The following VPS35L variants were observed in gnomAD, a reference collection of about 807,000 sequenced individuals.
VPS35L encodes the protein VPS35 endosomal protein sorting factor like.
A neutral mutation model predicts 133.0 loss-of-function variants in VPS35L; 83 were observed. The observed-to-expected ratio is 0.62, with a 90% CI of 0.52 to 0.75. The LOEUF is 0.75. VPS35L is among the 30% of genes least tolerant of loss of function. The probability of loss-of-function intolerance (pLI) is 0.00; values close to 1 mark genes in which losing one functional copy is unlikely to be tolerated. For missense variants in VPS35L, 1,083 were observed against 1,206.8 expected, an observed-to-expected ratio of 0.90 and a Z score of 1.52; for synonymous variants, 423 against 449.9, an observed-to-expected ratio of 0.94 and a Z score of 0.76.
rs561758087 is a variant in VPS35L at position 19,599,423 on chromosome 16, C to T, written c.725-2241C>T. Among the ~76,000 whole-genome samples, 14 of 152,304 alleles carry T rather than the reference C, an allele frequency of 9.2e-5. No individual in the cohort carries two copies. The South Asian group carries it at 2.3e-3, about 25-fold the overall frequency. On this transcript the variant is annotated intron_variant, in intron 8 of 30. Transcript: ENST00000417362. Reference sequence around the variant, plus strand: ...TCCAGAGGCAAGGCAAGTTTTAGCTCAGAGACCCACTGGTGTCTGCCTAAA... The same window carrying T: ...TCCAGAGGCAAGGCAAGTTTTAGCTTAGAGACCCACTGGTGTCTGCCTAAA...
At chr16:19,694,993 G>A (rs569805634) in intron 29 of VPS35L, among the ~76,000 whole-genome samples, 6 of 148,430 alleles carry the variant, frequency 4.0e-5, no homozygotes, top group African/African-American at 1.3e-4. Context: ...GTGACAGAAC[G>A]AGACTCTGTT....
intron 8 of VPS35L, among the ~76,000 whole-genome samples, chr16:19,598,147 G>C (rs144157725): frequency 1.5e-3 from 223 of 152,302 alleles, no homozygotes; most frequent in African/African-American, 5.1e-3. Flanking sequence ...TTCTCCACCT[G>C]TAGAATGGGG....
At chr16:19,634,338 A>G (rs1391829420) in intron 19 of VPS35L, among the ~76,000 whole-genome samples, 1 of 150,426 alleles carries the variant, frequency 6.6e-6, no homozygotes, top group East Asian at 2.0e-4. Context: ...CTGGGATGCT[A>G]TAGTAGGAGA....
chr16:19,687,000 C>G (rs1975485192), intron 28 of VPS35L, among the ~76,000 whole-genome samples: 1 of 152,182 alleles, frequency 6.6e-6, no homozygotes, highest in Non-Finnish European at 1.5e-5. Flanking sequence ...GACTCCATCT[C>G]AAATACCTCT....
At chr16:19,658,787 G>A (rs1974389203) in intron 26 of VPS35L, among the ~76,000 whole-genome samples, 1 of 152,146 alleles carries the variant, frequency 6.6e-6, no homozygotes, top group African/African-American at 2.4e-5. Flanking sequence ...GAGGCCTGGA[G>A]GCTGAGAAAA....
At chr16:19,693,075 C>A (rs1975755391) in intron 29 of VPS35L, among the ~76,000 whole-genome samples, 1 of 152,216 alleles carries the variant, frequency 6.6e-6, no homozygotes, top group Non-Finnish European at 1.5e-5. Context: ...TGACTGTGTC[C>A]TACTGACCCT....
chr16:19,682,803 A>G (rs1457224653), intron 28 of VPS35L, among the ~76,000 whole-genome samples: 2 of 152,226 alleles, frequency 1.3e-5, no homozygotes. Flanking sequence ...CAGAGGTTAC[A>G]GTAAGCCAAG....
At chr16:19,607,685 A>G (rs1378844304) in intron 9 of VPS35L, 1 of 154,226 alleles carries the variant, frequency 6.5e-6, no homozygotes, top group Non-Finnish European at 1.4e-5. Flanking sequence ...ATCACATTTC[A>G]TGTTGCAGTC....
chr16:19,571,370 C>A (rs1971379680), intron 3 of VPS35L, among the ~76,000 whole-genome samples: 1 of 151,944 alleles, frequency 6.6e-6, no homozygotes, highest in African/African-American at 2.4e-5. Context: ...GTGTGTGCCA[C>A]CGCACTCAGC....
chr16:19,586,826 ATAAGG>A (rs1276248196), intron 7 of VPS35L, among the ~76,000 whole-genome samples: 2 of 152,184 alleles, frequency 1.3e-5, no homozygotes, highest in African/African-American at 4.8e-5. Flanking sequence ...TATATATCCT[ATAAGG>A]TAAGGATCTA....
chr16:19,642,620 T>A, intron 22 of VPS35L, 144 bp downstream of exon 22: 1 of 652,808 alleles, frequency 1.5e-6, no homozygotes, highest in Admixed American at 3.1e-5. Flanking sequence ...ACGAGGACAT[T>A]CCAATCCAGG....
intron 26 of VPS35L, 38 bp from the exon 27 acceptor site, chr16:19,669,122 G>C (rs200365747): frequency 1.3e-6 from 2 of 1,547,594 alleles, no homozygotes; most frequent in African/African-American, 1.4e-5. Flanking sequence ...AAATTTCCCA[G>C]AGTTCTAATA....
intron 14 of VPS35L, among the ~76,000 whole-genome samples, chr16:19,622,455 A>G (rs986717354): frequency 6.6e-5 from 10 of 151,714 alleles, no homozygotes; most frequent in African/African-American, 1.7e-4. Flanking sequence ...ACGTATATCA[A>G]AATCCATGCT....
chr16:19,682,153 C>T, intron 27 of VPS35L, 72 bp from the exon 28 acceptor site: 1 of 1,529,220 alleles, frequency 6.5e-7, no homozygotes, highest in Non-Finnish European at 9.0e-7. Flanking sequence ...ATCTGGGCTT[C>T]TGTGTTGATT....
intron 8 of VPS35L, among the ~76,000 whole-genome samples, chr16:19,592,165 C>A (rs1230455102): frequency 1.3e-5 from 2 of 151,918 alleles, no homozygotes; most frequent in East Asian, 3.9e-4. Flanking sequence ...GCCTCAAACC[C>A]CTGGGCTCAA....
At chr16:19,576,448 C>T (rs1971541217) in intron 5 of VPS35L, among the ~76,000 whole-genome samples, 5 of 152,314 alleles carry the variant, frequency 3.3e-5, no homozygotes, top group Admixed American at 3.3e-4. Context: ...CAGGGTGTCT[C>T]AAACTGCCGT....
chr16:19,574,229 G>A, intron 4 of VPS35L, among the ~76,000 whole-genome samples: 1 of 152,192 alleles, frequency 6.6e-6, no homozygotes, highest in East Asian at 1.9e-4. Flanking sequence ...GGGCATCAGG[G>A]TTCCGCCGCA....
chr16:19,596,725 G>A (rs9928552), intron 8 of VPS35L, among the ~76,000 whole-genome samples: 7,673 of 151,608 alleles, frequency 0.051, 651 homozygotes, highest in African/African-American at 0.18. Context: ...TAGTGGCTCT[G>A]TGAAATGAAA....
chr16:19,592,279 A>G (rs1196939006), intron 8 of VPS35L, among the ~76,000 whole-genome samples: 4 of 147,240 alleles, frequency 2.7e-5, no homozygotes, highest in Non-Finnish European at 6.0e-5. Context: ...AGAGTCTCGC[A>G]GTGTTGCCCA....
Sources: gnomAD v4.1 joint callset for allele counts (sites outside exome capture counted in the v4.1 genomes callset) on GRCh38, gnomAD v4.1.1 for gene constraint, MANE v1.5 for transcripts, NCBI Gene and HGNC (gene_info 2026-07-23, HGNC 2026-07-21) for gene names.